TRNT1: variants seen among roughly 807,000 people sequenced by gnomAD.
The protein encoded by TRNT1 is tRNA nucleotidyl transferase 1, also known as CCA tRNA nucleotidyltransferase 1, mitochondrial.
In TRNT1, 44 loss-of-function variants were observed where a neutral mutation model predicts 45.6. The ratio of observed to expected loss-of-function variants is 0.97; its 90% CI spans 0.76 to 1.24. TRNT1 has a LOEUF of 1.24. TRNT1 is among the 50% of genes most tolerant of loss of function. The pLI is 0.00. For missense variants in TRNT1, 633 were observed against 504.4 expected (o/e 1.25, Z -2.44); for synonymous variants, 201 against 171.4 (o/e 1.17, Z -1.35).
At chr3:3,133,613 A>T (rs1041447694) in intron 2 of TRNT1, among the ~76,000 whole-genome samples, 1 of 152,062 alleles carries the variant, frequency 6.6e-6, no homozygotes. Flanking sequence ...GAAGTTCCCA[A>T]TGCAGACGAT....
At chr3:3,128,925 T>C (rs1357409631) in intron 1 of TRNT1, 89 bp from the exon 2 acceptor site, 20 of 996,528 alleles carry the variant, frequency 2.0e-5, no homozygotes, top group Non-Finnish European at 2.8e-5. Flanking sequence ...AATTTCTGAG[T>C]TGATAAACTT....
At chr3:3,136,566 C>T (rs540198785) in intron 2 of TRNT1, 2 of 406,584 alleles carry the variant, frequency 4.9e-6, no homozygotes, top group South Asian at 1.8e-5. Context: ...TCTGTAAACA[C>T]AGAGAAATAC....
At chr3:3,151,828 C>CAAAAAAAG (rs66715673), downstream of TRNT1, among the ~76,000 whole-genome samples, 7 of 42,596 alleles carry the variant, frequency 1.6e-4, no homozygotes, top group Admixed American at 4.2e-4. Flanking sequence ...TAAGCTGAAG[C>CAAAAAAAG]AAACAAACAA....
downstream of TRNT1, chr3:3,150,055 A>G (rs1027287836): frequency 2.6e-5 from 4 of 152,164 alleles, no homozygotes; most frequent in African/African-American, 9.7e-5. Context: ...ATTTTCTTCA[A>G]TTTACATTGA....
rs143629126 is a variant in TRNT1, at chr3:3,146,451, C to T, written c.630C>T (p.Asp210=). The T allele has an allele frequency of 3.7e-6, 6 of 1,611,780 alleles. No homozygotes were observed. The African/African-American group carries it at 5.4e-5, about 14-fold the overall frequency. ...GTAGGTTTTATGGGAGAATTGTAGA[C>T]AAACCTGGTGACCATGATCCTGAGA... ...RYFRFYGRIV[D]KPGDHDPETL... is the part of the protein sequence containing the mutation. The change falls in exon 6 of 8, where the codon GAC becomes GAT. Residue 210 remains aspartate (D), a synonymous_variant. Transcript: ENST00000251607.
At chr3:3,142,114 GTATT>G (rs1294977657) in intron 4 of TRNT1, among the ~76,000 whole-genome samples, 2 of 152,068 alleles carry the variant, frequency 1.3e-5, no homozygotes, top group Non-Finnish European at 2.9e-5. Flanking sequence ...AGAGCTCCAG[GTATT>G]TATTTATTCT....
At position 3,137,432 on chromosome 3, in the gene TRNT1, GCACGGAA is replaced by G. The variant is rs776199133; in HGVS notation, c.324_330del (p.His108GlnfsTer29). 12 of 1,610,898 alleles carry G rather than the reference GCACGGAA, an allele frequency of 7.4e-6. No individual in the cohort carries two copies. Among genetic ancestry groups the G allele is most frequent in the Non-Finnish European group, 1.0e-5 (12 of 1,178,960 alleles). On this transcript the variant is annotated frameshift_variant, in exon 3 of 8. Coordinates refer to ENST00000251607, the MANE Select transcript of TRNT1 (RefSeq NM_182916.3). LOFTEE classifies it high-confidence loss of function. Reference sequence around the variant, plus strand: ...GGATGATAAACAACAGAGGAGAAAAGCACGGAACAATTACTGCCAGGGTGAGTCAAAA... The same window carrying G: ...GGATGATAAACAACAGAGGAGAAAAGCAATTACTGCCAGGGTGAGTCAAAA...
intron 4 of TRNT1, among the ~76,000 whole-genome samples, chr3:3,142,831 T>C (rs889540261): frequency 6.6e-6 from 1 of 152,252 alleles, no homozygotes; most frequent in African/African-American, 2.4e-5. Context: ...TTTGTGATCA[T>C]ATTTTTGCCT....
downstream of TRNT1, chr3:3,150,790 CAG>C (rs902081497): frequency 2.8e-6 from 4 of 1,403,976 alleles, no homozygotes; most frequent in African/African-American, 4.2e-5. Flanking sequence ...AGGTATGTAT[CAG>C]AGGCAATAAT....
chr3:3,147,769 A>C (rs1706147646), intron 7 of TRNT1, 66 bp downstream of exon 7: 1 of 1,532,924 alleles, frequency 6.5e-7, no homozygotes, highest in Non-Finnish European at 8.7e-7. Flanking sequence ...TAATTTATTA[A>C]AACTAAGATC....
At chr3:3,130,541 C>T (rs1704953065) in intron 2 of TRNT1, 1 of 152,464 alleles carries the variant, frequency 6.6e-6, no homozygotes, top group Non-Finnish European at 1.5e-5. Context: ...GCCGATGCTT[C>T]ACTATCTTTT....
At chr3:3,142,451 C>G (rs1417066597) in intron 4 of TRNT1, among the ~76,000 whole-genome samples, 1 of 152,210 alleles carries the variant, frequency 6.6e-6, no homozygotes, top group East Asian at 1.9e-4. Flanking sequence ...CTCAGGCAGC[C>G]TGACTCCAGA....
At chr3:3,137,630 T>G (rs553519783) in intron 3 of TRNT1, among the ~76,000 whole-genome samples, 177 bp downstream of exon 3, 2 of 152,314 alleles carry the variant, frequency 1.3e-5, no homozygotes, top group African/African-American at 4.8e-5. Context: ...TTATGTTACC[T>G]CTCCATTTCT....
intron 4 of TRNT1, among the ~76,000 whole-genome samples, chr3:3,142,948 A>G (rs1705747368): frequency 6.6e-6 from 1 of 152,232 alleles, no homozygotes; most frequent in Admixed American, 6.5e-5. Flanking sequence ...GTTACTATGC[A>G]TATAAAACTA....
chr3:3,132,682 T>TAAAAAAAAAA (rs34975129), intron 2 of TRNT1, among the ~76,000 whole-genome samples: 1 of 95,210 alleles, frequency 1.1e-5, no homozygotes. Context: ...TAGAGTATAA[T>TAAAAAAAAAA]AAAAAAAAAA....
At chr3:3,141,123 T>C (rs1705623053) in intron 4 of TRNT1, among the ~76,000 whole-genome samples, 1 of 152,212 alleles carries the variant, frequency 6.6e-6, no homozygotes, top group African/African-American at 2.4e-5. Flanking sequence ...AAATTCTGAC[T>C]CCGTCACTCA....
At chr3:3,144,168 A>G (rs2126030273) in intron 4 of TRNT1, among the ~76,000 whole-genome samples, 1 of 152,314 alleles carries the variant, frequency 6.6e-6, no homozygotes, top group African/African-American at 2.4e-5. Flanking sequence ...TGAGTTTGAA[A>G]GATCTTCAAG....
chr3:3,135,852 T>G (rs1196021361), intron 2 of TRNT1, among the ~76,000 whole-genome samples: 1 of 152,184 alleles, frequency 6.6e-6, no homozygotes, highest in Non-Finnish European at 1.5e-5. Flanking sequence ...AGGAGCAACA[T>G]GCTGAGTGAG....
intron 4 of TRNT1, among the ~76,000 whole-genome samples, chr3:3,142,608 T>C (rs998321049): frequency 6.6e-6 from 1 of 152,254 alleles, no homozygotes; most frequent in Non-Finnish European, 1.5e-5. Flanking sequence ...TTTTCTATCC[T>C]GGCTTTTTCC....
Sources: allele counts gnomAD v4.1 joint callset (sites outside exome capture counted in the v4.1 genomes callset), GRCh38; gene constraint gnomAD v4.1.1; transcripts MANE v1.5; gene names NCBI Gene and HGNC (gene_info 2026-07-23, HGNC 2026-07-21).